BICRA: variants seen among roughly 807,000 people sequenced by gnomAD.
BICRA encodes BRD4 interacting chromatin remodeling complex associated protein.
In BICRA, 31 loss-of-function variants were observed where a neutral mutation model predicts 96.9. The ratio of observed to expected loss-of-function variants is 0.32; its 90% CI spans 0.24 to 0.43. The LOEUF (loss-of-function observed/expected upper bound fraction) is 0.43. Ranked by LOEUF, BICRA falls within the 20% of genes least tolerant of loss-of-function variation. The pLI, the probability that BICRA is intolerant of heterozygous loss-of-function variation, is 1.00. For synonymous variants in BICRA, 1,350 were observed against 1,071.8 expected (o/e 1.26, Z -5.07); for missense variants, 2,283 against 2,190.3 (o/e 1.04, Z -0.84).
Position 47,702,169 on chromosome 19 carries a change from G to C in BICRA, c.4437G>C (p.Ser1479=). 1 of 1,573,904 alleles carries C rather than the reference G, an allele frequency of 6.4e-7. No homozygotes were observed. The stretch of plus-strand genomic sequence containing the variant: ...CTGCCAAGCGGCGCAAGTCCGAGTC[G>C]CCCGACGTGGACCAGGCCAGCTTCT... The part of the protein sequence containing the change: ...LPPAKRRKSE[S]PDVDQASFSS... The change falls in exon 15 of 15, where the codon TCG becomes TCC. Residue 1479 remains serine (S), a synonymous_variant. Transcript: ENST00000594866.
chr19:47,624,147 G>T (rs774791108), intron 1 of BICRA, among the ~76,000 whole-genome samples: 1 of 152,190 alleles, frequency 6.6e-6, no homozygotes, highest in African/African-American at 2.4e-5. Context: ...CAACATGCCC[G>T]GCAGATTGTG....
At chr19:47,608,994 C>A (rs1312052377), upstream of BICRA, 1 of 143,544 alleles carries the variant, frequency 7.0e-6, no homozygotes, top group African/African-American at 2.5e-5. Flanking sequence ...GCCCGGGGCG[C>A]GCGGGCCTGG....
chr19:47,636,948 T>C (rs1358745280), intron 1 of BICRA, among the ~76,000 whole-genome samples: 1 of 152,160 alleles, frequency 6.6e-6, no homozygotes, highest in Non-Finnish European at 1.5e-5. Context: ...CCCAGGGCCT[T>C]TGAACTTGTT....
chr19:47,648,248 C>T (rs948341061), intron 1 of BICRA, among the ~76,000 whole-genome samples: 2 of 151,956 alleles, frequency 1.3e-5, no homozygotes, highest in Non-Finnish European at 2.9e-5. Context: ...ACCCCGTGCC[C>T]TTTCACCTCC....
intron 7 of BICRA, among the ~76,000 whole-genome samples, chr19:47,690,699 G>A (rs574307407): frequency 6.6e-6 from 1 of 152,030 alleles, no homozygotes; most frequent in South Asian, 2.1e-4. Context: ...GTGATTTCTA[G>A]AGTCTCTCTA....
intron 1 of BICRA, among the ~76,000 whole-genome samples, chr19:47,614,212 C>T (rs557514696): frequency 4.6e-5 from 7 of 152,258 alleles, no homozygotes; most frequent in Admixed American, 1.3e-4. Context: ...AAGATGGTGT[C>T]TCTCCCTCTA....
intron 11 of BICRA, among the ~76,000 whole-genome samples, chr19:47,697,457 C>T (rs74843227): frequency 6.6e-6 from 1 of 151,816 alleles, no homozygotes; most frequent in Non-Finnish European, 1.5e-5. Flanking sequence ...CTATGTTGCC[C>T]AGGCTGGTTG....
chr19:47,649,112 A>G (rs1972506376), intron 1 of BICRA, among the ~76,000 whole-genome samples: 2 of 151,982 alleles, frequency 1.3e-5, no homozygotes, highest in Non-Finnish European at 2.9e-5. Flanking sequence ...CGGCATCCCA[A>G]AGTGCTGGGA....
At chr19:47,609,974 G>T (rs1052888053) in intron 1 of BICRA, among the ~76,000 whole-genome samples, 2 of 152,210 alleles carry the variant, frequency 1.3e-5, no homozygotes, top group Non-Finnish European at 2.9e-5. Flanking sequence ...GGGTGGGGGG[G>T]GTGAGCGCCT....
Position 47,701,996 on chromosome 19 carries a change from G to A in BICRA, c.4264G>A (p.Asp1422Asn). 2 of 1,484,806 alleles carry A rather than the reference G, an allele frequency of 1.3e-6. No individual in the cohort carries two copies. The highest frequency in any genetic ancestry group is 1.8e-6 in the Non-Finnish European group (2 of 1,126,542). The allele number at this position is 1,484,806 out of a possible 1,614,324, so 92.0% of individuals were successfully genotyped here. Residue 1422 changes from aspartate (D) to asparagine (N), a missense_variant, in exon 15 of 15, where the codon GAC becomes AAC. Coordinates refer to ENST00000594866, the MANE Select transcript of BICRA (RefSeq NM_001394372.1). This position sits in a 1 kb window ranked among gnomAD's most constrained non-coding sequence, Gnocchi z 5.4. ...GSPAPLPAKVDEATSGLIREL... is the reference protein window; with the variant it reads ...GSPAPLPAKVNEATSGLIREL... ...CCCGGCGCCGCTGCCCGCCAAAGTGGACGAGGCCACCAGCGGGCTCATCCG... is the reference window on the plus strand; with the variant it reads ...CCCGGCGCCGCTGCCCGCCAAAGTGAACGAGGCCACCAGCGGGCTCATCCG...
chr19:47,614,997 T>G (rs536314472), intron 1 of BICRA, among the ~76,000 whole-genome samples: 46 of 152,294 alleles, frequency 3.0e-4, no homozygotes, highest in African/African-American at 1.1e-3. Context: ...TTTTTTATTT[T>G]TTTGAGACAG....
rs1973473119 is a variant in BICRA, at chr19:47,702,283, G to A, written c.4551G>A (p.Arg1517=). 1 of 1,594,300 alleles carries A rather than the reference G, an allele frequency of 6.3e-7. No individual in the cohort carries two copies. Among genetic ancestry groups the A allele is most frequent in the African/African-American group, 1.4e-5 (1 of 74,004 alleles). The change falls in exon 15 of 15, where the codon CGG becomes CGA. Residue 1517 remains arginine, a synonymous_variant. Transcript: ENST00000594866. ...SILNLQQAPG[R]TPAPSYPHAA... ...TGAACCTGCAGCAGGCCCCCGGCCG[G>A]ACGCCCGCGCCCTCGTACCCCCACG...
rs770111771 is a variant in BICRA at position 47,681,245 on chromosome 19, C to T, written c.2075C>T (p.Thr692Ile). The T allele has an allele frequency of 4.5e-6, 7 of 1,538,690 alleles. No individual in the cohort carries two copies. Among genetic ancestry groups the T allele is most frequent in the Admixed American group, 3.9e-5 (2 of 51,358 alleles). ...TCTGCCACCCCCACGGCCATCCTCA[C>T]TCAGGACTCCCTGCAGATGTTCCTG... Reference protein sequence around the residue: ...PPSATPTAILTQDSLQMFLPQ... With the variant: ...PPSATPTAILIQDSLQMFLPQ... The change falls in exon 6 of 15, where the codon ACT becomes ATT. Residue 692 changes from threonine to isoleucine, a missense_variant. By Grantham distance (89) the Thr-to-Ile change is moderately conservative. Transcript: ENST00000594866.
intron 5 of BICRA, among the ~76,000 whole-genome samples, chr19:47,677,858 C>T (rs1319462495): frequency 2.0e-5 from 3 of 152,136 alleles, no homozygotes; most frequent in African/African-American, 7.2e-5. Flanking sequence ...CGAATTTCTC[C>T]AATTCTGGAA....
intron 1 of BICRA, among the ~76,000 whole-genome samples, chr19:47,625,879 G>A (rs1457364313): frequency 6.6e-6 from 1 of 152,116 alleles, no homozygotes; most frequent in African/African-American, 2.4e-5. Flanking sequence ...ACGGGGAGCT[G>A]GTAGTTAGGG....
chr19:47,688,921 G>A (rs1231655420), intron 7 of BICRA, among the ~76,000 whole-genome samples: 1 of 151,842 alleles, frequency 6.6e-6, no homozygotes, highest in East Asian at 2.0e-4. Context: ...CTGTCTCTGG[G>A]ATTGGAGCAA....
chr19:47,683,700 T>C (rs1973101462), intron 7 of BICRA, among the ~76,000 whole-genome samples: 1 of 151,982 alleles, frequency 6.6e-6, no homozygotes, highest in Non-Finnish European at 1.5e-5. Flanking sequence ...TTCTCCTGCC[T>C]CAGCCTCCCG....
At position 47,679,404 on chromosome 19, in the gene BICRA, A is replaced by C; in HGVS notation, c.234A>C (p.Glu78Asp). 1 of 1,463,928 alleles carries C rather than the reference A, an allele frequency of 6.8e-7. No homozygotes were observed. The highest frequency in any genetic ancestry group is 9.1e-7 in the Non-Finnish European group (1 of 1,104,806). The allele number at this position is 1,463,928 out of a possible 1,614,324, so 90.7% of individuals were successfully genotyped here. The change falls in exon 6 of 15, where the codon GAA becomes GAC. Residue 78 changes from glutamate to aspartate, a missense_variant. Transcript: ENST00000594866. ...CCAGTGTGGACCTAGACTTCCTGGA[A>C]GATGACATCCTGGGCTCTCCTGCGA... ...PAPSVDLDFL[E>D]DDILGSPATG...
At chr19:47,632,301 C>T (rs968106328) in intron 1 of BICRA, among the ~76,000 whole-genome samples, 12 of 152,236 alleles carry the variant, frequency 7.9e-5, no homozygotes, top group African/African-American at 1.4e-4. Flanking sequence ...AAACAGCAGC[C>T]GGAGCTTTTG....
Sources: allele counts gnomAD v4.1 joint callset (sites outside exome capture counted in the v4.1 genomes callset), GRCh38; gene constraint gnomAD v4.1.1; non-coding constraint Gnocchi (gnomAD v3.1); transcripts MANE v1.5; gene names NCBI Gene and HGNC (gene_info 2026-07-23, HGNC 2026-07-21).